Variants in LRRTM4 observed in about 807,000 individuals in gnomAD.
LRRTM4 encodes the protein leucine-rich repeat transmembrane neuronal protein 4.
Under a neutral mutation model 47.6 loss-of-function variants are expected in LRRTM4, and 25 were observed. That is an observed-to-expected ratio of 0.53 (90% confidence interval 0.38 to 0.73). The LOEUF (loss-of-function observed/expected upper bound fraction) is 0.73, where lower values mean the gene tolerates loss of function less well. LRRTM4 is among the 30% of genes least tolerant of loss of function. The pLI, the probability that LRRTM4 is intolerant of heterozygous loss-of-function variation, is 0.00. For missense variants in LRRTM4, 638 were observed against 713.4 expected (o/e 0.89, Z 1.20); for synonymous variants, 311 against 269.5 (o/e 1.15, Z -1.51).
chr2:77,103,618 T>C (rs1288507739), intron 3 of LRRTM4, among the ~76,000 whole-genome samples: 1 of 149,948 alleles, frequency 6.7e-6, no homozygotes, highest in African/African-American at 2.5e-5. Context: ...ATTTTCAATG[T>C]AATTCAGGAG....
Position 77,080,391 on chromosome 2 carries a change from C to T in LRRTM4, c.1552-331475G>A, listed in dbSNP as rs150004734. ...CTCACTGTACACATCCCATATCCGA[C>T]TGAAGTCTCTTTTATAAGTTAACAA... On this transcript the variant is annotated intron_variant, in intron 3 of 3. Coordinates refer to ENST00000409884, the MANE Select transcript of LRRTM4 (RefSeq NM_001134745.3). 6.6e-4 allele frequency among the ~76,000 whole-genome samples: 101 copies of T among 152,294 alleles called. No individual in the cohort carries two copies. In the East Asian group the frequency reaches 0.016, roughly 24 times the overall value.
chr2:77,289,701 G>C (rs1212562313), intron 3 of LRRTM4, among the ~76,000 whole-genome samples: 1 of 151,970 alleles, frequency 6.6e-6, no homozygotes, highest in Non-Finnish European at 1.5e-5. Context: ...CAGATTGATT[G>C]AATTTTGCAT....
chr2:76,945,261 G>A (rs557736927), intron 3 of LRRTM4, among the ~76,000 whole-genome samples: 33 of 152,004 alleles, frequency 2.2e-4, no homozygotes, highest in African/African-American at 6.3e-4. Context: ...AGCAACTAGC[G>A]TGCCTAAATG....
chr2:76,970,154 T>C (rs1172101709), intron 3 of LRRTM4, among the ~76,000 whole-genome samples: 1 of 151,984 alleles, frequency 6.6e-6, no homozygotes, highest in Non-Finnish European at 1.5e-5. Flanking sequence ...TTCCATGATA[T>C]GTAAAATGGT....
intron 3 of LRRTM4, among the ~76,000 whole-genome samples, chr2:77,330,751 G>A (rs1045190059): frequency 1.3e-5 from 2 of 151,826 alleles, no homozygotes; most frequent in Admixed American, 6.6e-5. Context: ...CTTTTTTGTT[G>A]ACAAAAGTAT....
intron 3 of LRRTM4, among the ~76,000 whole-genome samples, chr2:76,967,712 T>C (rs1019816166): frequency 2.0e-5 from 3 of 151,752 alleles, no homozygotes; most frequent in African/African-American, 7.2e-5. Context: ...GCTATGTACA[T>C]AGTTTTGTCA....
chr2:77,197,488 A>C (rs1673861413), intron 3 of LRRTM4, among the ~76,000 whole-genome samples: 1 of 152,170 alleles, frequency 6.6e-6, no homozygotes, highest in Admixed American at 6.6e-5. Flanking sequence ...AGAGATTATT[A>C]GACAAAGAAA....
intron 3 of LRRTM4, among the ~76,000 whole-genome samples, chr2:77,414,310 C>G (rs576091035): frequency 6.6e-6 from 1 of 152,200 alleles, no homozygotes; most frequent in Non-Finnish European, 1.5e-5. Context: ...GGCTTCAAGG[C>G]AAGACAAACA....
chr2:76,912,508 T>C (rs1368376393), intron 3 of LRRTM4, among the ~76,000 whole-genome samples: 2 of 152,182 alleles, frequency 1.3e-5, no homozygotes, highest in Non-Finnish European at 2.9e-5. Flanking sequence ...TCACAAGCAA[T>C]TGGTAATGTC....
chr2:77,262,445 C>T (rs535431960), intron 3 of LRRTM4, among the ~76,000 whole-genome samples: 48 of 151,922 alleles, frequency 3.2e-4, no homozygotes, highest in Admixed American at 2.0e-3. Flanking sequence ...CTAGTGATCA[C>T]GGATACATTA....
rs1029156225 is a variant in LRRTM4, at chr2:77,312,896, C to T, written c.1551+205422G>A. ...AGGTCAAGTGAGTGGTTAGCACAGACGCCTCTTATTTGATCTGAGTTCTGG... is the reference window on the plus strand; with the variant it reads ...AGGTCAAGTGAGTGGTTAGCACAGATGCCTCTTATTTGATCTGAGTTCTGG... On this transcript the variant is annotated intron_variant, in intron 3 of 3. Coordinates refer to ENST00000409884, the MANE Select transcript of LRRTM4 (RefSeq NM_001134745.3). 5.9e-5 allele frequency among the ~76,000 whole-genome samples: 9 copies of T among 152,230 alleles called. 1 individual carries two copies. The highest frequency in any genetic ancestry group is 4.1e-4 in the South Asian group (2 of 4,832).
At chr2:77,103,117 G>A (rs1190217504) in intron 3 of LRRTM4, among the ~76,000 whole-genome samples, 2 of 152,120 alleles carry the variant, frequency 1.3e-5, no homozygotes, top group Admixed American at 1.3e-4. Flanking sequence ...TCACAGATAA[G>A]GCATTGTATC....
At chr2:77,109,232 T>C (rs560043515) in intron 3 of LRRTM4, among the ~76,000 whole-genome samples, 5 of 152,320 alleles carry the variant, frequency 3.3e-5, no homozygotes, top group African/African-American at 1.2e-4. Context: ...AATTCAGGAA[T>C]AATGTCTTAG....
chr2:77,113,390 T>A (rs1324293868), intron 3 of LRRTM4, among the ~76,000 whole-genome samples: 1 of 152,128 alleles, frequency 6.6e-6, no homozygotes, highest in East Asian at 1.9e-4. Context: ...TGAATTCTTT[T>A]AAAAAGGTAA....
At position 77,518,481 on chromosome 2, in the gene LRRTM4, A is replaced by G. The variant is rs762830397; in HGVS notation, c.1388T>C (p.Met463Thr). The part of the protein sequence containing the change: ...SMKQLQQHSL[M>T]KRRRKKARES... ...TCTGGCCTTTTTCCGCCGCCTCTTC[A>G]TAAGAGAGTGTTGCTGGAGTTGTTT... Residue 463 changes from methionine to threonine, a missense_variant, in exon 3 of 4, where the codon ATG (methionine) becomes ACG (threonine). Physicochemically the swap from Met to Thr is moderately conservative, Grantham distance 81. Coordinates refer to ENST00000409884, the MANE Select transcript of LRRTM4 (RefSeq NM_001134745.3). The G allele has an allele frequency of 2.7e-5, 44 of 1,613,316 alleles. No homozygotes were observed. The highest frequency in any genetic ancestry group is 3.3e-4 in the Middle Eastern group (2 of 6,070).
chr2:77,100,875 T>G (rs1442566107), intron 3 of LRRTM4, among the ~76,000 whole-genome samples: 1 of 143,722 alleles, frequency 7.0e-6, no homozygotes, highest in Non-Finnish European at 1.5e-5. Context: ...TGTGACAGAG[T>G]CTTACTCTGG....
At chr2:77,097,688 C>T (rs1670846954) in intron 3 of LRRTM4, among the ~76,000 whole-genome samples, 1 of 151,866 alleles carries the variant, frequency 6.6e-6, no homozygotes, top group Admixed American at 6.6e-5. Flanking sequence ...CTAATTGGTA[C>T]TAAAACTAAA....
chr2:77,518,383 T>C lies in LRRTM4; in HGVS notation c.1486A>G (p.Met496Val), dbSNP rs1679310702. ...VDYKPTNSET[M>V]DISVNGSGPC... ...CCAGATCCATTAACCGATATATCCATGGTCTCAGAGTTTGTAGGCTTGTAG... is the reference window on the plus strand; with the variant it reads ...CCAGATCCATTAACCGATATATCCACGGTCTCAGAGTTTGTAGGCTTGTAG... The change falls in exon 3 of 4, where the codon ATG (methionine) becomes GTG (valine). Residue 496 changes from methionine to valine, a missense_variant. Met to Val is a conservative substitution (Grantham distance 21). Coordinates refer to ENST00000409884, the MANE Select transcript of LRRTM4 (RefSeq NM_001134745.3). 12 of 1,612,866 alleles carry C rather than the reference T, an allele frequency of 7.4e-6. No individual in the cohort carries two copies. The highest frequency in any genetic ancestry group is 1.7e-5 in the Admixed American group (1 of 59,816).
intron 3 of LRRTM4, among the ~76,000 whole-genome samples, chr2:77,267,485 T>C (rs1054059673): frequency 6.6e-6 from 1 of 152,182 alleles, no homozygotes; most frequent in African/African-American, 2.4e-5. Context: ...AACTCACTCC[T>C]GAAAGTTCTT....
Sources: allele counts gnomAD v4.1 joint callset (sites outside exome capture counted in the v4.1 genomes callset), GRCh38; gene constraint gnomAD v4.1.1; transcripts MANE v1.5; gene names NCBI Gene and HGNC (gene_info 2026-07-23, HGNC 2026-07-21).